STAM: variants seen among roughly 807,000 people sequenced by gnomAD.
The protein encoded by STAM is signal transducing adaptor molecule, also known as signal transducing adapter molecule 1.
In STAM, 16 loss-of-function variants were observed where a neutral mutation model predicts 63.4. The ratio of observed to expected loss-of-function variants is 0.25; its 90% CI spans 0.17 to 0.38. The LOEUF is 0.38. Ranked by LOEUF, STAM falls within the 10% of genes least tolerant of loss-of-function variation. STAM has a pLI of 1.00. For missense variants in STAM, 636 were observed against 657.1 expected (o/e 0.97, Z 0.35); for synonymous variants, 238 against 223.9 (o/e 1.06, Z -0.56).
intron 13 of STAM, among the ~76,000 whole-genome samples, chr10:17,711,295 G>T (rs560410355): frequency 1.3e-5 from 2 of 152,128 alleles, no homozygotes; most frequent in East Asian, 3.9e-4. Flanking sequence ...TACCTGTAGC[G>T]ATGGTAGTAT....
chr10:17,694,512 CACTTGGGAAGTAGTGGTGG>C (rs1835672429), intron 6 of STAM, among the ~76,000 whole-genome samples: 1 of 152,108 alleles, frequency 6.6e-6, no homozygotes, highest in South Asian at 2.1e-4. Context: ...TGATGGTCTG[CACTTGGGAAGTAGTGGTGG>C]AGATAGAGAC....
intron 2 of STAM, chr10:17,673,195 G>T (rs782293817): frequency 5.1e-6 from 1 of 196,634 alleles, no homozygotes; most frequent in Non-Finnish European, 9.2e-6. Context: ...CACATCCTCT[G>T]TTCCTCCCAG....
In STAM at chr10:17,644,222, C is replaced by T. The variant is rs1833425680; in HGVS notation, c.-118C>T. ...GGGTGAGAGGAGGAGCTGTCGCGGA[C>T]CCTGTAGAGTCGGTCTCTGTTGCTC... is the stretch of plus-strand genomic sequence containing the variant. On this transcript the variant is annotated 5_prime_UTR_variant, in exon 1 of 14. Transcript: ENST00000377524. The T allele has an allele frequency of 1.8e-6, 2 of 1,108,982 alleles. No individual in the cohort carries two copies. Among genetic ancestry groups the T allele is most frequent in the Non-Finnish European group, 2.7e-6 (2 of 742,402 alleles). 68.7% of individuals were successfully genotyped at this position (1,108,982 alleles called of 1,614,324 possible).
chr10:17,693,814 G>A (rs931132948), intron 6 of STAM, among the ~76,000 whole-genome samples: 27 of 152,132 alleles, frequency 1.8e-4, no homozygotes, highest in African/African-American at 5.1e-4. Flanking sequence ...ATATGTGACC[G>A]TCTCTATTAT....
In STAM at chr10:17,700,292, C is replaced by A. The variant is rs782248925; in HGVS notation, c.912+13C>A. 6.3e-7 allele frequency: 1 copy of A among 1,588,882 alleles called. No individual in the cohort carries two copies. Among genetic ancestry groups the A allele is most frequent in the South Asian group, 1.1e-5 (1 of 87,398 alleles). ...CTTTATTGATGAAGTAAGTGGTTTC[C>A]ATGGTGATAGGAGTTGGTACTTTGT... is the stretch of plus-strand genomic sequence containing the variant. On this transcript the variant is annotated intron_variant, in intron 9 of 13. Coordinates refer to ENST00000377524, the MANE Select transcript of STAM (RefSeq NM_003473.4).
intron 5 of STAM, among the ~76,000 whole-genome samples, chr10:17,691,096 T>C (rs1394045636): frequency 6.6e-6 from 1 of 152,222 alleles, no homozygotes; most frequent in Non-Finnish European, 1.5e-5. Context: ...ATACCTGTAG[T>C]TTTCAGAAGT....
At chr10:17,653,956 A>G (rs1833840547) in intron 1 of STAM, among the ~76,000 whole-genome samples, 1 of 152,134 alleles carries the variant, frequency 6.6e-6, no homozygotes, top group African/African-American at 2.4e-5. Context: ...TGCTATGGTG[A>G]ATTATCAATC....
rs1554820511 is a variant in STAM at position 17,644,346 on chromosome 10, C to T, written c.7C>T (p.Leu3Phe). 1 of 1,614,178 alleles carries T rather than the reference C, an allele frequency of 6.2e-7. No individual in the cohort carries two copies. Among genetic ancestry groups the T allele is most frequent in the South Asian group, 1.1e-5 (1 of 91,078 alleles). MP[L>F]FATNPFDQDV... is the part of the protein sequence containing the mutation. ...ACCTCGGCACGCAGCGGAGATGCCTCTTTTTGCCACCAATCCCTTCGATCA... is the reference window on the plus strand; with the variant it reads ...ACCTCGGCACGCAGCGGAGATGCCTTTTTTTGCCACCAATCCCTTCGATCA... Residue 3 changes from leucine (L) to phenylalanine (F), a missense_variant, in exon 1 of 14, where the codon CTT becomes TTT. This residue lies in a region of STAM where 87 missense variants were observed against 80.3 expected (regional missense o/e 1.08). Transcript: ENST00000377524.
intron 5 of STAM, among the ~76,000 whole-genome samples, chr10:17,690,894 C>G (rs1344507023): frequency 6.6e-6 from 1 of 152,128 alleles, no homozygotes; most frequent in Non-Finnish European, 1.5e-5. Flanking sequence ...CATTTAGAAC[C>G]TGATGATAGA....
At chr10:17,707,397 A>G (rs1270708099) in intron 12 of STAM, among the ~76,000 whole-genome samples, 2 of 152,042 alleles carry the variant, frequency 1.3e-5, no homozygotes, top group African/African-American at 4.8e-5. Flanking sequence ...GCGACAGAGC[A>G]AGACTCCACC....
At chr10:17,661,021 T>G (rs1554822836) in intron 2 of STAM, among the ~76,000 whole-genome samples, 1 of 152,198 alleles carries the variant, frequency 6.6e-6, no homozygotes, top group East Asian at 1.9e-4. Flanking sequence ...TATGAGTTCT[T>G]TTCTCCTTTG....
At chr10:17,694,553 C>A (rs1422082770) in intron 6 of STAM, among the ~76,000 whole-genome samples, 1 of 152,072 alleles carries the variant, frequency 6.6e-6, no homozygotes, top group African/African-American at 2.4e-5. Context: ...CGTTTGAGAT[C>A]TATTTTGGAG....
At chr10:17,657,648 T>C (rs1833993320) in intron 1 of STAM, among the ~76,000 whole-genome samples, 1 of 152,242 alleles carries the variant, frequency 6.6e-6, no homozygotes, top group Admixed American at 6.5e-5. Context: ...TAAATAGATG[T>C]GGGCCATTTA....
At chr10:17,711,672 A>G (rs1836558950) in intron 13 of STAM, among the ~76,000 whole-genome samples, 1 of 152,144 alleles carries the variant, frequency 6.6e-6, no homozygotes, top group Non-Finnish European at 1.5e-5. Context: ...GAGTGAGCAA[A>G]GATGGGAGGT....
chr10:17,645,540 A>G (rs1262864013), intron 1 of STAM, among the ~76,000 whole-genome samples: 1 of 152,150 alleles, frequency 6.6e-6, no homozygotes, highest in African/African-American at 2.4e-5. Context: ...AGGGGAAAAC[A>G]CATCATTCCA....
At chr10:17,664,374 A>T (rs1296618247) in intron 2 of STAM, among the ~76,000 whole-genome samples, 1 of 152,140 alleles carries the variant, frequency 6.6e-6, no homozygotes, top group East Asian at 1.9e-4. Flanking sequence ...TCCAGAACTT[A>T]TCCATCATCC....
chr10:17,707,132 G>A (rs1309611464), intron 12 of STAM, among the ~76,000 whole-genome samples: 1 of 152,006 alleles, frequency 6.6e-6, no homozygotes, highest in Non-Finnish European at 1.5e-5. Flanking sequence ...GATACTGGCC[G>A]GGTGCGGTGG....
chr10:17,647,724 G>A (rs1329911301), intron 1 of STAM, among the ~76,000 whole-genome samples: 1 of 152,096 alleles, frequency 6.6e-6, no homozygotes, highest in African/African-American at 2.4e-5. Flanking sequence ...AGAGGGTTGA[G>A]TTAATATTTG....
intron 4 of STAM, among the ~76,000 whole-genome samples, chr10:17,686,745 C>T: frequency 6.6e-6 from 1 of 152,278 alleles, no homozygotes; most frequent in East Asian, 1.9e-4. Context: ...CTCAATAAAG[C>T]GTTTGCAAAT....
Sources: allele counts gnomAD v4.1 joint callset (sites outside exome capture counted in the v4.1 genomes callset), GRCh38; gene constraint gnomAD v4.1.1; regional missense constraint gnomAD v4.1.1; transcripts MANE v1.5; gene names NCBI Gene and HGNC (gene_info 2026-07-23, HGNC 2026-07-21).